The following NPAS2 variants were observed in gnomAD, a reference collection of about 807,000 sequenced individuals.
The protein encoded by NPAS2 is neuronal PAS domain-containing protein 2.
Under a neutral mutation model 107.5 loss-of-function variants are expected in NPAS2, and 23 were observed. That is an observed-to-expected ratio of 0.21 (90% confidence interval 0.15 to 0.30). The LOEUF is 0.30. Ranked by LOEUF, NPAS2 falls within the 10% of genes least tolerant of loss-of-function variation. The probability of loss-of-function intolerance (pLI) is 1.00; values close to 1 mark genes in which losing one functional copy is unlikely to be tolerated. For synonymous variants in NPAS2, 403 were observed against 417.5 expected, an observed-to-expected ratio of 0.97 and a Z score of 0.42; for missense variants, 756 against 1,043.3, an observed-to-expected ratio of 0.72 and a Z score of 3.79.
chr2:100,894,536 C>T (rs1022929756), intron 1 of NPAS2, among the ~76,000 whole-genome samples: 5 of 152,120 alleles, frequency 3.3e-5, no homozygotes, highest in East Asian at 1.9e-4. Flanking sequence ...GTCAGAGCCG[C>T]GGGCACACAG....
chr2:100,875,454 A>T (rs1055686660), intron 1 of NPAS2, among the ~76,000 whole-genome samples: 1 of 132,490 alleles, frequency 7.5e-6, no homozygotes. Flanking sequence ...TTTAAAAATT[A>T]AAAGCTTACA....
chr2:100,890,929 G>A (rs1291253028), intron 1 of NPAS2, among the ~76,000 whole-genome samples: 1 of 151,996 alleles, frequency 6.6e-6, no homozygotes, highest in Non-Finnish European at 1.5e-5. Context: ...TGCTTAAACT[G>A]TAAGTAAAAG....
chr2:100,886,772 A>C (rs546104349), intron 1 of NPAS2, among the ~76,000 whole-genome samples: 1 of 152,202 alleles, frequency 6.6e-6, no homozygotes, highest in Non-Finnish European at 1.5e-5. Context: ...AGATGAATTC[A>C]TGAACAAAGG....
At chr2:100,869,900 CTTTTTTT>C (rs34489501) in intron 1 of NPAS2, among the ~76,000 whole-genome samples, 1 of 82,468 alleles carries the variant, frequency 1.2e-5, no homozygotes, top group Non-Finnish European at 2.5e-5. Context: ...CTCCTGACTT[CTTTTTTT>C]TTTTTTTTTT....
chr2:100,847,901 GA>G (rs946225557), intron 1 of NPAS2, among the ~76,000 whole-genome samples: 1 of 152,190 alleles, frequency 6.6e-6, no homozygotes, highest in East Asian at 1.9e-4. Context: ...GTGGCCTCAA[GA>G]ACCACTTTGG....
chr2:100,822,654 T>G (rs950399159), intron 1 of NPAS2: 61 of 152,250 alleles, frequency 4.0e-4, no homozygotes, highest in African/African-American at 1.3e-3. Flanking sequence ...TGCTTTTGAA[T>G]CTTAAGAACC....
At chr2:100,855,819 G>A (rs1188845446) in intron 1 of NPAS2, among the ~76,000 whole-genome samples, 1 of 152,216 alleles carries the variant, frequency 6.6e-6, no homozygotes, top group East Asian at 1.9e-4. Context: ...CTGCATGTCT[G>A]ATGAATCACT....
rs747578458 is a variant in NPAS2 at position 100,982,191 on chromosome 2, ACT to A, written c.1483-37_1483-36del. 5 of 1,611,372 alleles carry A rather than the reference ACT, an allele frequency of 3.1e-6. No homozygotes were observed. The African/African-American group carries it at 5.3e-5, about 17-fold the overall frequency. On this transcript the variant is annotated intron_variant, in intron 15 of 20. Transcript: ENST00000335681. ...AAGATCTGCCTGCAAGGCTGAAATA[ACT>A]CTTTCATCTGATTATGTTTTTCGGC...
At chr2:100,883,456 A>G (rs1315481265) in intron 1 of NPAS2, among the ~76,000 whole-genome samples, 2 of 152,152 alleles carry the variant, frequency 1.3e-5, no homozygotes, top group Non-Finnish European at 2.9e-5. Context: ...AGAGCCACAC[A>G]CGGTAGCAGC....
intron 2 of NPAS2, among the ~76,000 whole-genome samples, chr2:100,922,977 G>A (rs1454716767): frequency 6.6e-6 from 1 of 152,190 alleles, no homozygotes; most frequent in Non-Finnish European, 1.5e-5. Context: ...CAGGAACAGA[G>A]CTTTTTTTGG....
At chr2:100,914,330 G>C (rs971561551) in intron 2 of NPAS2, among the ~76,000 whole-genome samples, 20 of 152,214 alleles carry the variant, frequency 1.3e-4, no homozygotes, top group Non-Finnish European at 2.6e-4. Flanking sequence ...TGAGCTGCAA[G>C]TACAACCCTC....
intron 1 of NPAS2, among the ~76,000 whole-genome samples, chr2:100,867,798 C>T (rs1227227306): frequency 4.6e-5 from 7 of 152,132 alleles, no homozygotes; most frequent in Non-Finnish European, 7.3e-5. Flanking sequence ...TCGTAGGTCT[C>T]CCAAAGTGCT....
intron 4 of NPAS2, among the ~76,000 whole-genome samples, chr2:100,937,061 A>T (rs1684363639): frequency 6.6e-6 from 1 of 151,614 alleles, no homozygotes; most frequent in Non-Finnish European, 1.5e-5. Context: ...CTATTATATC[A>T]CAAGCACCCA....
intron 4 of NPAS2, among the ~76,000 whole-genome samples, chr2:100,936,402 G>C (rs780542290): frequency 9.9e-5 from 15 of 152,184 alleles, no homozygotes; most frequent in Non-Finnish European, 1.6e-4. Context: ...AAAATGTCCA[G>C]ATTCGGGGAA....
At chr2:100,934,680 A>G (rs758344018) in intron 4 of NPAS2, 32 of 547,480 alleles carry the variant, frequency 5.8e-5, no homozygotes, top group Non-Finnish European at 7.4e-5. Flanking sequence ...GTTGCTCTTC[A>G]GTAGACACAG....
rs761665330 is a variant in NPAS2 at position 100,965,804 on chromosome 2, C to A, written c.907+38C>A. The stretch of plus-strand genomic sequence containing the variant: ...GCCCAGCCCAGGCATGGGGGCCTTG[C>A]GTTCACTCCACTGGGGCCCAGCAGC... On this transcript the variant is annotated intron_variant, in intron 10 of 20. Coordinates refer to ENST00000335681, the MANE Select transcript of NPAS2 (RefSeq NM_002518.4). This position sits in a 1 kb window ranked among gnomAD's most constrained non-coding sequence, Gnocchi z 4.3. 1 of 1,332,074 alleles carries A rather than the reference C, an allele frequency of 7.5e-7. No individual in the cohort carries two copies. Among genetic ancestry groups the A allele is most frequent in the East Asian group, 2.4e-5 (1 of 42,526 alleles). The allele number at this position is 1,332,074 out of a possible 1,614,324, so 82.5% of individuals were successfully genotyped here. A position where few individuals can be genotyped will look rare whatever the true frequency, so the allele number is the denominator to read the frequency against.
chr2:100,832,763 A>G (rs954693024), intron 1 of NPAS2, among the ~76,000 whole-genome samples: 7 of 152,136 alleles, frequency 4.6e-5, no homozygotes, highest in Non-Finnish European at 7.3e-5. Context: ...TTTAAAAGGA[A>G]TAGTTAATTC....
chr2:100,990,468 A>G lies in NPAS2; in HGVS notation c.2018+22A>G. ...TCAGGTACGAGACTGCCCTTGTTTAAAGGATAACCCAGGCATCATTTTACC... is the reference window on the plus strand; with the variant it reads ...TCAGGTACGAGACTGCCCTTGTTTAGAGGATAACCCAGGCATCATTTTACC... On this transcript the variant is annotated intron_variant, in intron 18 of 20. Coordinates refer to ENST00000335681, the MANE Select transcript of NPAS2 (RefSeq NM_002518.4). 2.5e-6 allele frequency: 4 copies of G among 1,612,664 alleles called. No individual in the cohort carries two copies. In the East Asian group the frequency reaches 6.7e-5, roughly 27 times the overall value.
chr2:100,940,973 T>G (rs560796458), intron 5 of NPAS2, among the ~76,000 whole-genome samples: 2 of 152,284 alleles, frequency 1.3e-5, no homozygotes, highest in South Asian at 4.1e-4. Flanking sequence ...AACGCCCCTC[T>G]TGGTGTCAGG....
Sources: allele counts gnomAD v4.1 joint callset (sites outside exome capture counted in the v4.1 genomes callset), GRCh38; gene constraint gnomAD v4.1.1; non-coding constraint Gnocchi (gnomAD v3.1); transcripts MANE v1.5; gene names NCBI Gene and HGNC (gene_info 2026-07-23, HGNC 2026-07-21).